Variants in NAF1 observed in about 807,000 individuals in gnomAD.
The protein encoded by NAF1 is H/ACA ribonucleoprotein complex non-core subunit NAF1.
In NAF1, 11 loss-of-function variants were observed where a neutral mutation model predicts 40.6. The ratio of observed to expected loss-of-function variants is 0.27; its 90% CI spans 0.17 to 0.45. NAF1 has a LOEUF of 0.45. Ranked by LOEUF, NAF1 falls within the 20% of genes least tolerant of loss-of-function variation. The pLI, the probability that NAF1 is intolerant of heterozygous loss-of-function variation, is 1.00. For synonymous variants in NAF1, 260 were observed against 228.5 expected, an observed-to-expected ratio of 1.14 and a Z score of -1.24; for missense variants, 607 against 611.1, an observed-to-expected ratio of 0.99 and a Z score of 0.07.
intron 4 of NAF1, among the ~76,000 whole-genome samples, chr4:163,141,145 A>C (rs1579157405): frequency 6.6e-6 from 1 of 152,112 alleles, no homozygotes; most frequent in Admixed American, 6.5e-5. Flanking sequence ...CGGGCGGATC[A>C]CCTGAGGTCA....
chr4:163,139,147 A>G (rs1004574497), intron 5 of NAF1, among the ~76,000 whole-genome samples: 1 of 152,158 alleles, frequency 6.6e-6, no homozygotes, highest in Non-Finnish European at 1.5e-5. Context: ...TGTAAGTGGT[A>G]TAAGTAATCT....
intron 4 of NAF1, 145 bp from the exon 5 acceptor site, chr4:163,140,528 A>G: frequency 1.6e-6 from 1 of 631,940 alleles, no homozygotes; most frequent in Non-Finnish European, 2.6e-6. Flanking sequence ...TTTTTTAGTT[A>G]TATTTATGTC....
chr4:163,128,765 A>T lies in NAF1; in HGVS notation c.*132T>A. On this transcript the variant is annotated 3_prime_UTR_variant, in exon 8 of 8. Transcript: ENST00000274054. ...TCACAAAGGTTACAAATATATATCA[A>T]CTTACAACAGAAGGAATCATTTAGT... 8.8e-6 allele frequency: 11 copies of T among 1,243,134 alleles called. No homozygotes were observed. In the South Asian group the frequency reaches 2.2e-4, roughly 25 times the overall value. The allele number at this position is 1,243,134 out of a possible 1,614,324, so 77.0% of individuals were successfully genotyped here.
intron 2 of NAF1, among the ~76,000 whole-genome samples, chr4:163,110,445 G>T (rs575705083): frequency 2.0e-5 from 3 of 152,148 alleles, no homozygotes; most frequent in Non-Finnish European, 4.4e-5. Flanking sequence ...TTTATCATAG[G>T]TATGTAAGTA....
At chr4:163,129,483 G>A in intron 7 of NAF1, 135 bp from the exon 8 acceptor site, 11 of 969,090 alleles carry the variant, frequency 1.1e-5, no homozygotes, top group South Asian at 7.4e-5. Flanking sequence ...GACATAAAAT[G>A]GTAAATTTGA....
intron 2 of NAF1, among the ~76,000 whole-genome samples, chr4:163,115,473 G>A (rs1362642220): frequency 1.3e-5 from 2 of 152,122 alleles, no homozygotes; most frequent in Admixed American, 6.5e-5. Flanking sequence ...TGGGATTACA[G>A]GCGTGAGCCA....
chr4:163,158,205 T>C (rs1246790886), intron 2 of NAF1: 1 of 152,128 alleles, frequency 6.6e-6, no homozygotes, highest in Non-Finnish European at 1.5e-5. Flanking sequence ...ACACAGGACA[T>C]GCACGTGGCA....
chr4:163,142,878 TCTC>T (rs1477336580), intron 4 of NAF1, among the ~76,000 whole-genome samples: 2 of 152,126 alleles, frequency 1.3e-5, no homozygotes, highest in Non-Finnish European at 2.9e-5. Flanking sequence ...CCGGCCCACT[TCTC>T]CTCATACAGC....
At chr4:163,157,784 C>T (rs1732050637) in intron 2 of NAF1, among the ~76,000 whole-genome samples, 2 of 151,990 alleles carry the variant, frequency 1.3e-5, no homozygotes, top group African/African-American at 2.4e-5. Context: ...AAGAGTACCA[C>T]ATAACATTAA....
chr4:163,154,140 G>A (rs536466672), intron 2 of NAF1, among the ~76,000 whole-genome samples: 91 of 152,320 alleles, frequency 6.0e-4, no homozygotes, highest in African/African-American at 2.0e-3. Context: ...CACCTTAAGA[G>A]CTGTAACACT....
downstream of NAF1, among the ~76,000 whole-genome samples, chr4:163,126,211 C>T (rs1393425758): frequency 6.6e-6 from 1 of 152,060 alleles, no homozygotes; most frequent in Admixed American, 6.6e-5. Context: ...ATATTTTTTG[C>T]AAGGCTATAG....
chr4:163,129,279 T>G lies in NAF1; in HGVS notation c.1103A>C (p.Tyr368Ser). 6.2e-7 allele frequency: 1 copy of G among 1,614,194 alleles called. No individual in the cohort carries two copies. The highest frequency in any genetic ancestry group is 8.5e-7 in the Non-Finnish European group (1 of 1,180,022). ...HSSASEHAKG[Y>S]RNREFTRGFS... ...TCCTCGTGTGAATTCTCTGTTACGATATCCTTTTGCATGCTCTGAAGCAGA... is the reference window on the plus strand; with the variant it reads ...TCCTCGTGTGAATTCTCTGTTACGAGATCCTTTTGCATGCTCTGAAGCAGA... The change falls in exon 8 of 8, where the codon TAT becomes TCT. Residue 368 changes from tyrosine to serine, a missense_variant. Physicochemically the swap from Tyr to Ser is moderately radical, Grantham distance 144 (BLOSUM62 -2). Around this residue, in one of 3 missense-constraint regions of NAF1, gnomAD observed 189 missense variants for 216.6 expected, o/e 0.87. Coordinates refer to ENST00000274054, the MANE Select transcript of NAF1 (RefSeq NM_138386.3).
At chr4:163,115,670 T>C (rs973292935) in intron 2 of NAF1, among the ~76,000 whole-genome samples, 28 of 152,178 alleles carry the variant, frequency 1.8e-4, no homozygotes, top group Admixed American at 1.8e-3. Flanking sequence ...TGGTAGTTTT[T>C]TTGTGACTGG....
intron 3 of NAF1, among the ~76,000 whole-genome samples, chr4:163,147,534 C>T (rs571245944): frequency 6.6e-6 from 1 of 152,192 alleles, no homozygotes; most frequent in Non-Finnish European, 1.5e-5. Flanking sequence ...TCTTATAACT[C>T]AGCAACTTCA....
chr4:163,161,635 C>T (rs1732226969), intron 2 of NAF1, among the ~76,000 whole-genome samples: 1 of 152,160 alleles, frequency 6.6e-6, no homozygotes, highest in Non-Finnish European at 1.5e-5. Flanking sequence ...CAGCTGCTTT[C>T]GAATAAACTT....
In NAF1 at chr4:163,128,963, G is replaced by T; in HGVS notation, c.1419C>A (p.Pro473=). The change falls in exon 8 of 8, where the codon CCC becomes CCA. Residue 473 remains proline (P), a synonymous_variant. Transcript: ENST00000274054. ...AGGGTGGAGGAGGCAGTGGTGGAGG[G>T]GGAGGGGGTGGGGGTAGGGAGTATG... ...NLPYSLPPPP[P]PPPLPPPPSS... The T allele has an allele frequency of 6.9e-7, 1 of 1,456,074 alleles. No homozygotes were observed. The highest frequency in any genetic ancestry group is 9.5e-7 in the Non-Finnish European group (1 of 1,053,002). The allele number at this position is 1,456,074 out of a possible 1,614,324, so 90.2% of individuals were successfully genotyped here.
chr4:163,151,075 A>G (rs1463556), intron 2 of NAF1, among the ~76,000 whole-genome samples: 39,767 of 151,446 alleles, frequency 0.26, 5,606 homozygotes, highest in African/African-American at 0.37. Context: ...AACTTTACAT[A>G]TTTTTTAAGG....
At chr4:163,133,284 T>C (rs770218344) in intron 6 of NAF1, 28 bp from the exon 7 acceptor site, 1 of 1,575,772 alleles carries the variant, frequency 6.3e-7, no homozygotes, top group East Asian at 2.2e-5. Context: ...ATAATAGGTT[T>C]ATGTTACATG....
At chr4:163,144,088 TA>T in intron 4 of NAF1, 9 of 896,158 alleles carry the variant, frequency 1.0e-5, no homozygotes, top group Non-Finnish European at 1.2e-5. Context: ...TATAATCGTT[TA>T]AAAAGGAATC....
Sources: allele counts gnomAD v4.1 joint callset (sites outside exome capture counted in the v4.1 genomes callset), GRCh38; gene constraint gnomAD v4.1.1; regional missense constraint gnomAD v4.1.1; transcripts MANE v1.5; gene names NCBI Gene and HGNC (gene_info 2026-07-23, HGNC 2026-07-21).